Variants in CSE1L observed in about 807,000 individuals in gnomAD.
CSE1L encodes the protein exportin-2.
CSE1L carries 24 observed loss-of-function variants against 120.4 expected under a neutral mutation model. The observed-to-expected ratio is 0.20, with a 90% CI of 0.14 to 0.28. The LOEUF is 0.28. CSE1L is among the 10% of genes least tolerant of loss of function. The pLI, the probability that CSE1L is intolerant of heterozygous loss-of-function variation, is 1.00. For missense variants in CSE1L, 830 were observed against 1,145.2 expected (o/e 0.72, Z 3.97); for synonymous variants, 402 against 398.3 (o/e 1.01, Z -0.11).
intron 19 of CSE1L, 72 bp from the exon 20 acceptor site, chr20:49,090,670 C>A: frequency 1.8e-6 from 2 of 1,105,782 alleles, no homozygotes; most frequent in Non-Finnish European, 2.8e-6. Context: ...TGTTTTAAGA[C>A]ATATATCATG....
At chr20:49,093,562 CTCTT>C (rs1490223600) in intron 22 of CSE1L, among the ~76,000 whole-genome samples, 10 of 123,216 alleles carry the variant, frequency 8.1e-5, no homozygotes, top group African/African-American at 3.0e-4. Flanking sequence ...TTGCTCCTCT[CTCTT>C]TTTTTTTTTT....
At position 49,062,730 on chromosome 20, in the gene CSE1L, A is replaced by G. The variant is rs143945588; in HGVS notation, c.86-472A>G. On this transcript the variant is annotated intron_variant, in intron 2 of 24. Transcript: ENST00000262982. ...ACTAAATGAAATTTTATAATTTTAC[A>G]TATATAATATATATGTAAATCGTTG... Among the ~76,000 whole-genome samples the G allele has an allele frequency of 7.2e-5, 11 of 152,060 alleles. No individual in the cohort carries two copies. The East Asian group carries it at 2.1e-3, about 29-fold the overall frequency.
chr20:49,072,798 T>TATAC, intron 10 of CSE1L, 101 bp downstream of exon 10: 1 of 1,156,090 alleles, frequency 8.6e-7, no homozygotes, highest in Non-Finnish European at 1.2e-6. Context: ...AAAACTTGTA[T>TATAC]GTCATTTATT....
intron 1 of CSE1L, among the ~76,000 whole-genome samples, chr20:49,054,295 G>A (rs2091790267): frequency 6.6e-6 from 1 of 152,196 alleles, no homozygotes; most frequent in African/African-American, 2.4e-5. Flanking sequence ...GAAGGTTGGG[G>A]TTTCTGGCTG....
intron 14 of CSE1L, among the ~76,000 whole-genome samples, chr20:49,079,082 G>A (rs1045767713): frequency 3.1e-4 from 47 of 152,140 alleles, no homozygotes; most frequent in African/African-American, 8.2e-4. Context: ...CAGTAGATCC[G>A]GGGTTTCCCC....
At chr20:49,048,344 GTTTC>G in intron 1 of CSE1L, among the ~76,000 whole-genome samples, 1 of 152,038 alleles carries the variant, frequency 6.6e-6, no homozygotes, top group South Asian at 2.1e-4. Context: ...GAATTAATTT[GTTTC>G]TTTATTCATT....
chr20:49,052,466 A>G (rs2091774328), intron 1 of CSE1L, among the ~76,000 whole-genome samples: 1 of 152,166 alleles, frequency 6.6e-6, no homozygotes, highest in Admixed American at 6.6e-5. Context: ...AAATTAGAGG[A>G]TGAGCATTAT....
rs11439721 is a variant in CSE1L at position 49,077,153 on chromosome 20, C to CTTTTTTT, written c.1420+102_1420+108dup. 73 of 402,534 alleles carry CTTTTTTT rather than the reference C, an allele frequency of 1.8e-4. 2 individuals are homozygous for CTTTTTTT. Among genetic ancestry groups the CTTTTTTT allele is most frequent in the Middle Eastern group, 6.8e-4 (1 of 1,480 alleles). The allele number at this position is 402,534 out of a possible 1,614,324, so 24.9% of individuals were successfully genotyped here. On this transcript the variant is annotated intron_variant, in intron 13 of 24. Coordinates refer to ENST00000262982, the MANE Select transcript of CSE1L (RefSeq NM_001316.4). ...CTTCCTATCCTTGTTCCCTTTTGTTCTTTTTTTTTTTTTTTTTTTCTTTTG... is the reference window on the plus strand; with the variant it reads ...CTTCCTATCCTTGTTCCCTTTTGTTCTTTTTTTTTTTTTTTTTTTTTTTTTTCTTTTG...
chr20:49,070,111 G>A (rs2091921460), intron 7 of CSE1L, 94 bp from the exon 8 acceptor site: 3 of 617,490 alleles, frequency 4.9e-6, no homozygotes, highest in African/African-American at 1.9e-5. Flanking sequence ...TGAAGCCTGT[G>A]TATAAAATGT....
chr20:49,066,240 A>G lies in CSE1L; in HGVS notation c.277A>G (p.Lys93Glu), dbSNP rs1568769737. ...TTGTGAAGCCGATCGAGTGGCCATT[A>G]AAGCCAACATAGTGCACTTGATGCT... ...KICEADRVAI[K>E]ANIVHLMLSS... The change falls in exon 4 of 25, where the codon AAA becomes GAA. Residue 93 changes from lysine (K) to glutamate (E), a missense_variant. Physicochemically the swap from Lys to Glu is moderately conservative, Grantham distance 56 (BLOSUM62 1). Transcript: ENST00000262982. The G allele has an allele frequency of 6.2e-7, 1 of 1,614,252 alleles. No individual in the cohort carries two copies.
intron 13 of CSE1L, among the ~76,000 whole-genome samples, chr20:49,077,311 C>T (rs958963869): frequency 1.3e-5 from 2 of 152,002 alleles, no homozygotes; most frequent in Non-Finnish European, 2.9e-5. Flanking sequence ...AGGCACGTAC[C>T]ACCATGCCCG....
chr20:49,061,158 C>G (rs1258740877), intron 2 of CSE1L, among the ~76,000 whole-genome samples: 2 of 148,686 alleles, frequency 1.3e-5, no homozygotes, highest in Admixed American at 6.9e-5. Flanking sequence ...GTTGCCAACA[C>G]TATTAAAAAT....
At chr20:49,092,172 C>A in intron 22 of CSE1L, 45 bp downstream of exon 22, 1 of 1,097,304 alleles carries the variant, frequency 9.1e-7, no homozygotes, top group Non-Finnish European at 1.3e-6. Flanking sequence ...AATGTTTTGA[C>A]TTTTTTTTTA....
chr20:49,086,911 G>T (rs1218755094), intron 16 of CSE1L, among the ~76,000 whole-genome samples: 1 of 152,210 alleles, frequency 6.6e-6, no homozygotes, highest in Non-Finnish European at 1.5e-5. Context: ...AACGTTAGGT[G>T]TGAGGGATAG....
intron 24 of CSE1L, among the ~76,000 whole-genome samples, chr20:49,095,668 T>TA: frequency 6.6e-6 from 1 of 152,080 alleles, no homozygotes; most frequent in South Asian, 2.1e-4. Flanking sequence ...ATAAACCTAA[T>TA]AATGACTGTA....
At position 49,078,562 on chromosome 20, in the gene CSE1L, G is replaced by T; in HGVS notation, c.1422G>T (p.Val474=). 6.4e-7 allele frequency: 1 copy of T among 1,567,328 alleles called. No homozygotes were observed. The highest frequency in any genetic ancestry group is 1.2e-5 in the South Asian group (1 of 83,890). Residue 474 remains valine, a splice_region_variant and synonymous_variant, in exon 14 of 25, where the codon GTG becomes GTT. Coordinates refer to ENST00000262982, the MANE Select transcript of CSE1L (RefSeq NM_001316.4). ...GTGGCTTTCTGTTTTTTTATATAGT[G>T]AATGAATTTCCTGTCCTTAAAGCTG... is the stretch of plus-strand genomic sequence containing the variant. ...HILPDLKSAN[V]NEFPVLKADG... is the part of the protein sequence containing the mutation.
intron 1 of CSE1L, among the ~76,000 whole-genome samples, chr20:49,057,073 CCTAGCACA>C (rs2123663255): frequency 6.6e-6 from 1 of 152,266 alleles, no homozygotes; most frequent in East Asian, 1.9e-4. Flanking sequence ...CGCCTGTAAT[CCTAGCACA>C]CTGGGAGGCC....
rs556463423 is a variant in CSE1L, at chr20:49,060,471, G to A, written c.85+1923G>A. Among the ~76,000 whole-genome samples, 4 of 133,472 alleles carry A rather than the reference G, an allele frequency of 3.0e-5. No homozygotes were observed. The East Asian group carries it at 8.9e-4, about 30-fold the overall frequency. The allele number at this position is 133,472 out of a possible 152,430, so 87.6% of individuals were successfully genotyped here. ...CAGCCTGGTGACAGAGCAAGACTCC[G>A]TCTCAAAAGAAAAAAAAAAATTGGA... On this transcript the variant is annotated intron_variant, in intron 2 of 24. Transcript: ENST00000262982.
chr20:49,095,507 G>T (rs1387349465), intron 24 of CSE1L, among the ~76,000 whole-genome samples: 1 of 151,814 alleles, frequency 6.6e-6, no homozygotes, highest in Non-Finnish European at 1.5e-5. Context: ...TGGAGACAGG[G>T]TCTCCCTATG....
Sources: allele counts gnomAD v4.1 joint callset (sites outside exome capture counted in the v4.1 genomes callset), GRCh38; gene constraint gnomAD v4.1.1; transcripts MANE v1.5; gene names NCBI Gene and HGNC (gene_info 2026-07-23, HGNC 2026-07-21).